The following SND1 variants were observed in gnomAD, a reference collection of about 807,000 sequenced individuals.
SND1 encodes staphylococcal nuclease and tudor domain containing 1.
SND1 carries 38 observed loss-of-function variants against 121.7 expected under a neutral mutation model. That is an observed-to-expected ratio of 0.31 (90% CI 0.24 to 0.41). SND1 has a LOEUF of 0.41. Among genes scored for constraint, SND1 ranks in the 10% least tolerant of loss-of-function variants. The pLI is 1.00. For synonymous variants in SND1, 401 were observed against 447.4 expected (o/e 0.90, Z 1.31); for missense variants, 868 against 1,184.6 (o/e 0.73, Z 3.92).
chr7:127,794,557 A>G (rs1797977291), intron 10 of SND1, among the ~76,000 whole-genome samples: 2 of 152,258 alleles, frequency 1.3e-5, no homozygotes, highest in South Asian at 2.1e-4. Context: ...ACAAAATGAT[A>G]TTATCCTCTG....
intron 17 of SND1, among the ~76,000 whole-genome samples, chr7:128,079,191 A>G (rs322829): frequency 0.72 from 109,010 of 152,234 alleles, 40,519 homozygotes; most frequent in African/African-American, 0.91. Context: ...GGCCCAGGGC[A>G]AAAGCCTCAG....
chr7:127,758,018 C>T (rs1797229136), intron 10 of SND1, among the ~76,000 whole-genome samples: 1 of 152,180 alleles, frequency 6.6e-6, no homozygotes, highest in African/African-American at 2.4e-5. Flanking sequence ...AATCGCTATG[C>T]CGCAAGATCT....
chr7:127,668,831 C>T (rs1406999881), intron 1 of SND1, among the ~76,000 whole-genome samples: 1 of 152,222 alleles, frequency 6.6e-6, no homozygotes, highest in African/African-American at 2.4e-5. Flanking sequence ...TCTTTCTCCC[C>T]TCATTTGGAT....
chr7:127,976,754 C>T (rs1802129698), intron 15 of SND1, among the ~76,000 whole-genome samples: 1 of 152,194 alleles, frequency 6.6e-6, no homozygotes, highest in Non-Finnish European at 1.5e-5. Flanking sequence ...TCCTTTTTAT[C>T]CCTTAAAGCC....
chr7:127,773,376 C>T (rs1023423555), intron 10 of SND1, among the ~76,000 whole-genome samples: 7 of 151,612 alleles, frequency 4.6e-5, no homozygotes, highest in African/African-American at 9.7e-5. Flanking sequence ...CGCGTGAATC[C>T]GGGAGGCAGA....
intron 15 of SND1, among the ~76,000 whole-genome samples, chr7:127,946,029 G>C (rs1460305336): frequency 6.6e-6 from 1 of 152,166 alleles, no homozygotes; most frequent in Non-Finnish European, 1.5e-5. Flanking sequence ...CTGCATCTGC[G>C]TGTACTCTCT....
intron 12 of SND1, among the ~76,000 whole-genome samples, chr7:127,845,324 A>G (rs1023120823): frequency 6.6e-6 from 1 of 152,208 alleles, no homozygotes; most frequent in African/African-American, 2.4e-5. Flanking sequence ...GTGCTTTCAC[A>G]TTTGGAAATG....
intron 16 of SND1, among the ~76,000 whole-genome samples, chr7:128,023,744 TA>T (rs546932638): frequency 4.6e-4 from 70 of 152,290 alleles, no homozygotes; most frequent in Non-Finnish European, 6.5e-4. Flanking sequence ...TGTTCAAGAA[TA>T]GGGGTGGTGA....
At chr7:127,937,046 C>T (rs1801075408) in intron 15 of SND1, among the ~76,000 whole-genome samples, 1 of 146,980 alleles carries the variant, frequency 6.8e-6, no homozygotes, top group Non-Finnish European at 1.5e-5. Flanking sequence ...AAATACTTTT[C>T]TCCTGAATTG....
intron 14 of SND1, among the ~76,000 whole-genome samples, chr7:127,907,349 C>T (rs1800361810): frequency 6.6e-6 from 1 of 152,160 alleles, no homozygotes; most frequent in African/African-American, 2.4e-5. Context: ...ATTTTGCTGT[C>T]TGTGGGACAG....
At chr7:127,751,684 C>T (rs569841476) in intron 10 of SND1, among the ~76,000 whole-genome samples, 3 of 152,338 alleles carry the variant, frequency 2.0e-5, no homozygotes, top group South Asian at 4.1e-4. Context: ...GTAGCAACCT[C>T]GCTGTTCCAG....
At chr7:128,027,135 C>G (rs1333912561) in intron 16 of SND1, 1 of 152,598 alleles carries the variant, frequency 6.6e-6, no homozygotes, top group African/African-American at 2.4e-5. Context: ...AATCAGTGTT[C>G]TTTTGTTGGC....
intron 1 of SND1, among the ~76,000 whole-genome samples, chr7:127,663,394 A>T (rs1164424126): frequency 7.0e-5 from 10 of 143,144 alleles, no homozygotes; most frequent in African/African-American, 1.0e-4. Flanking sequence ...TTTTTTTGAG[A>T]TGGAGTCTCG....
chr7:127,858,591 T>C (rs1278204188), intron 12 of SND1: 4 of 352,084 alleles, frequency 1.1e-5, no homozygotes, highest in African/African-American at 6.3e-5. Context: ...TTTGGTCCAG[T>C]TGCTAATGGA....
At chr7:127,918,123 C>T (rs1038398839) in intron 14 of SND1, among the ~76,000 whole-genome samples, 4 of 149,664 alleles carry the variant, frequency 2.7e-5, no homozygotes, top group African/African-American at 4.9e-5. Flanking sequence ...AGTGCAGTGG[C>T]GCAATCCCAG....
chr7:128,003,652 A>G (rs745811439), intron 16 of SND1, among the ~76,000 whole-genome samples: 1 of 152,214 alleles, frequency 6.6e-6, no homozygotes, highest in African/African-American at 2.4e-5. Context: ...CAGGGTTTTC[A>G]TAGCAGTGCT....
chr7:127,692,909 C>G (rs762715020), intron 2 of SND1, among the ~76,000 whole-genome samples: 3 of 152,160 alleles, frequency 2.0e-5, no homozygotes, highest in East Asian at 1.9e-4. Flanking sequence ...AAAGTTCTGC[C>G]TGGTTGGTAG....
chr7:127,809,552 C>CA (rs1243194215), intron 11 of SND1, among the ~76,000 whole-genome samples: 5 of 152,192 alleles, frequency 3.3e-5, no homozygotes, highest in African/African-American at 1.2e-4. Flanking sequence ...ACATTTCTAC[C>CA]AATTCCCTTC....
intron 11 of SND1, among the ~76,000 whole-genome samples, chr7:127,811,256 T>C (rs1430161829): frequency 6.6e-6 from 1 of 152,208 alleles, no homozygotes; most frequent in East Asian, 1.9e-4. Context: ...CTATAAATCA[T>C]TTAGTGAGTT....
Sources: gnomAD v4.1 joint callset for allele counts (sites outside exome capture counted in the v4.1 genomes callset) on GRCh38, gnomAD v4.1.1 for gene constraint, MANE v1.5 for transcripts, NCBI Gene and HGNC (gene_info 2026-07-23, HGNC 2026-07-21) for gene names.